The following RAB15 variants were observed in gnomAD, a reference collection of about 807,000 sequenced individuals.
RAB15 encodes ras-related protein Rab-15.
A neutral mutation model predicts 31.8 loss-of-function variants in RAB15; 13 were observed. The observed-to-expected ratio is 0.41, with a 90% confidence interval of 0.27 to 0.65. The LOEUF is 0.65. Ranked by LOEUF, RAB15 falls within the 30% of genes least tolerant of loss-of-function variation. The probability of loss-of-function intolerance (pLI) is 0.32; values close to 1 mark genes in which losing one functional copy is unlikely to be tolerated. For missense variants in RAB15, 220 were observed against 277.3 expected, an observed-to-expected ratio of 0.79 and a Z score of 1.47; for synonymous variants, 100 against 105.6, an observed-to-expected ratio of 0.95 and a Z score of 0.33.
At chr14:64,966,980 G>C (rs1398949508) in intron 1 of RAB15, among the ~76,000 whole-genome samples, 1 of 152,162 alleles carries the variant, frequency 6.6e-6, no homozygotes, top group African/African-American at 2.4e-5. Flanking sequence ...ACAGGCCCCA[G>C]TGTCTGTTAG....
chr14:64,957,175 G>A (rs577888337), intron 1 of RAB15, among the ~76,000 whole-genome samples: 264 of 151,720 alleles, frequency 1.7e-3, no homozygotes, highest in African/African-American at 6.1e-3. Flanking sequence ...GGGCTCCAGC[G>A]ATCCTCCCGC....
At position 64,948,507 on chromosome 14, in the gene RAB15, G is replaced by GA. The variant is rs1886043520; in HGVS notation, c.485dup (p.Thr163HisfsTer12). 1 of 1,605,878 alleles carries GA rather than the reference G, an allele frequency of 6.2e-7. No individual in the cohort carries two copies. Among genetic ancestry groups the GA allele is most frequent in the Non-Finnish European group, 8.5e-7 (1 of 1,176,100 alleles). Reference sequence around the variant, plus strand: ...GCAGCACCAGCTCTGTCAGACGCGTGAATGACTGGAAACCAAAGGGCACAG... The same window carrying GA: ...GCAGCACCAGCTCTGTCAGACGCGTGAAATGACTGGAAACCAAAGGGCACAG... On this transcript the variant is annotated frameshift_variant, in exon 7 of 7. Transcript: ENST00000533601. LOFTEE classifies it high-confidence loss of function. The surrounding 1 kb of genome is among the most constrained non-coding windows in gnomAD (Gnocchi z 7.0).
rs1886187680 is a variant in RAB15 at position 64,950,462 on chromosome 14, C to G, written c.325-48G>C. On this transcript the variant is annotated intron_variant, in intron 4 of 6. Transcript: ENST00000533601. The surrounding 1 kb of genome is among the most constrained non-coding windows in gnomAD (Gnocchi z 5.6). ...ACAGCCAGTGAGTGCTGCCTGCCCC[C>G]CCAATTTTCCCTACAGAGTCTGCAC... 3 of 1,462,466 alleles carry G rather than the reference C, an allele frequency of 2.1e-6. No individual in the cohort carries two copies. Among genetic ancestry groups the G allele is most frequent in the Non-Finnish European group, 2.9e-6 (3 of 1,044,294 alleles). The allele number at this position is 1,462,466 out of a possible 1,614,324, so 90.6% of individuals were successfully genotyped here. A position where few individuals can be genotyped will look rare whatever the true frequency, so the allele number is the denominator to read the frequency against.
chr14:64,971,930 C>G lies in RAB15; in HGVS notation c.124+23G>C, dbSNP rs372761807. 311 of 1,546,742 alleles carry G rather than the reference C, an allele frequency of 2.0e-4. No homozygotes were observed. The highest frequency in any genetic ancestry group is 2.6e-4 in the Non-Finnish European group (294 of 1,145,952). On this transcript the variant is annotated intron_variant, in intron 1 of 6. Coordinates refer to ENST00000533601, the MANE Select transcript of RAB15 (RefSeq NM_001308154.2). This position sits in a 1 kb window ranked among gnomAD's most constrained non-coding sequence, Gnocchi z 4.1. ...GGGGCCGCGGGCGGGGAGGGAGGGGCGCCCCGGGCCACCGCCCCTTACCGA... is the reference window on the plus strand; with the variant it reads ...GGGGCCGCGGGCGGGGAGGGAGGGGGGCCCCGGGCCACCGCCCCTTACCGA...
At chr14:64,965,027 C>A (rs957938182) in intron 1 of RAB15, among the ~76,000 whole-genome samples, 2 of 152,208 alleles carry the variant, frequency 1.3e-5, no homozygotes, top group Non-Finnish European at 2.9e-5. Flanking sequence ...CTCACTGTGG[C>A]CTCCAACTCT....
At chr14:64,963,069 A>G (rs1412107017) in intron 1 of RAB15, among the ~76,000 whole-genome samples, 1 of 148,004 alleles carries the variant, frequency 6.8e-6, no homozygotes, top group Non-Finnish European at 1.5e-5. Flanking sequence ...CATAGTAAGT[A>G]TATGGAGTAG....
Position 64,962,800 on chromosome 14 carries a change from G to A in RAB15, c.124+9153C>T, listed in dbSNP as rs979966504. 6.6e-6 allele frequency among the ~76,000 whole-genome samples: 1 copy of A among 152,172 alleles called. No individual in the cohort carries two copies. Among genetic ancestry groups the A allele is most frequent in the Admixed American group, 6.5e-5 (1 of 15,274 alleles). ...ACCCCTCCCTTCTCTCAGGTCTTGT[G>A]TGGACCCTCACATGTGCACCTGCAT... is the stretch of plus-strand genomic sequence containing the variant. On this transcript the variant is annotated intron_variant, in intron 1 of 6. Transcript: ENST00000533601. This position sits in a 1 kb window ranked among gnomAD's most constrained non-coding sequence, Gnocchi z 4.2.
At chr14:64,961,112 C>T (rs1886829430) in intron 1 of RAB15, among the ~76,000 whole-genome samples, 1 of 152,176 alleles carries the variant, frequency 6.6e-6, no homozygotes, top group Non-Finnish European at 1.5e-5. Flanking sequence ...AGTAATGAGA[C>T]TCCACAACGA....
At chr14:64,966,514 C>T (rs929142340) in intron 1 of RAB15, among the ~76,000 whole-genome samples, 3 of 150,228 alleles carry the variant, frequency 2.0e-5, no homozygotes, top group African/African-American at 4.9e-5. Flanking sequence ...CAGAGAGATA[C>T]TCGGTCTCAA....
In RAB15 at chr14:64,951,506, G is replaced by A. The variant is rs1325669518; in HGVS notation, c.246+97C>T. 10 of 1,128,724 alleles carry A rather than the reference G, an allele frequency of 8.9e-6. No individual in the cohort carries two copies. The East Asian group carries it at 1.6e-4, about 18-fold the overall frequency. The allele number at this position is 1,128,724 out of a possible 1,614,324, so 69.9% of individuals were successfully genotyped here. A position where few individuals can be genotyped will look rare whatever the true frequency, so the allele number is the denominator to read the frequency against. On this transcript the variant is annotated intron_variant, in intron 3 of 6. Coordinates refer to ENST00000533601, the MANE Select transcript of RAB15 (RefSeq NM_001308154.2). The surrounding 1 kb of genome is among the most constrained non-coding windows in gnomAD (Gnocchi z 7.2). ...CTGCGCTCCTCCAAGCAGGCGAACT[G>A]TATTTAGGGGATCCGTGGCACAGAC...
rs1566850706 is a variant in RAB15 at position 64,968,949 on chromosome 14, C to CGGGTTCTTCTCTA, written c.124+2991_124+3003dup. 6.6e-6 allele frequency among the ~76,000 whole-genome samples: 1 copy of CGGGTTCTTCTCTA among 152,182 alleles called. No individual in the cohort carries two copies. Among genetic ancestry groups the CGGGTTCTTCTCTA allele is most frequent in the Non-Finnish European group, 1.5e-5 (1 of 68,036 alleles). ...AGGGAGGCCTCTCACTGCTCCCTGG[C>CGGGTTCTTCTCTA]GGGTTCTTCTCTAGAAGATCGCAGG... is the stretch of plus-strand genomic sequence containing the variant. On this transcript the variant is annotated intron_variant, in intron 1 of 6. Transcript: ENST00000533601. The surrounding 1 kb of genome is among the most constrained non-coding windows in gnomAD (Gnocchi z 4.9).
chr14:64,951,246 C>T lies in RAB15; in HGVS notation c.247-95G>A. 1.0e-6 allele frequency: 1 copy of T among 964,044 alleles called. No individual in the cohort carries two copies. Among genetic ancestry groups the T allele is most frequent in the Non-Finnish European group, 1.6e-6 (1 of 627,420 alleles). 59.7% of individuals were successfully genotyped at this position (964,044 alleles called of 1,614,324 possible). ...GTGGAAACTTAAAGGTTGGGTCCCACTCTCCCATTCTCCCTGCTCAGCATC... is the reference window on the plus strand; with the variant it reads ...GTGGAAACTTAAAGGTTGGGTCCCATTCTCCCATTCTCCCTGCTCAGCATC... On this transcript the variant is annotated intron_variant, in intron 3 of 6. Coordinates refer to ENST00000533601, the MANE Select transcript of RAB15 (RefSeq NM_001308154.2). The surrounding 1 kb of genome is among the most constrained non-coding windows in gnomAD (Gnocchi z 7.2).
At position 64,948,494 on chromosome 14, in the gene RAB15, C is replaced by T. The variant is rs1374705899; in HGVS notation, c.499G>A (p.Glu167Lys). The change falls in exon 7 of 7, where the codon GAG (glutamate) becomes AAG (lysine). Residue 167 changes from glutamate to lysine, a missense_variant. Coordinates refer to ENST00000533601, the MANE Select transcript of RAB15 (RefSeq NM_001308154.2). The surrounding 1 kb of genome is among the most constrained non-coding windows in gnomAD (Gnocchi z 7.0). Reference protein sequence around the residue: ...NIKESFTRLTELVLQAHRKEL... With the variant: ...NIKESFTRLTKLVLQAHRKEL... ...TTCCTATGGGCCTGCAGCACCAGCT[C>T]TGTCAGACGCGTGAATGACTGGAAA... The T allele has an allele frequency of 6.2e-7, 1 of 1,609,074 alleles. No individual in the cohort carries two copies. Among genetic ancestry groups the T allele is most frequent in the Non-Finnish European group, 8.5e-7 (1 of 1,177,694 alleles).
intron 1 of RAB15, among the ~76,000 whole-genome samples, chr14:64,967,873 G>T (rs1008991984): frequency 3.9e-5 from 6 of 152,184 alleles, no homozygotes; most frequent in African/African-American, 1.4e-4. Context: ...ACCACTGGGG[G>T]TGAGGGGCCA....
rs767354797 is a variant in RAB15 at position 64,951,563 on chromosome 14, G to T, written c.246+40C>A. The T allele has an allele frequency of 5.1e-6, 8 of 1,570,070 alleles. No homozygotes were observed. In the South Asian group the frequency reaches 8.9e-5, roughly 17 times the overall value. ...AATACCCAGAGCTGGGAGTGTGGGT[G>T]GCAGCTTCCCACTTTGAAACCCCCA... On this transcript the variant is annotated intron_variant, in intron 3 of 6. Transcript: ENST00000533601. This position sits in a 1 kb window ranked among gnomAD's most constrained non-coding sequence, Gnocchi z 7.2.
At chr14:64,949,940 G>C (rs1026590430) in intron 5 of RAB15, among the ~76,000 whole-genome samples, 2 of 152,012 alleles carry the variant, frequency 1.3e-5, no homozygotes, top group African/African-American at 4.8e-5. Context: ...AGTGTTGGGT[G>C]GGATGGGAGA....
rs1887410203 is a variant in RAB15 at position 64,971,407 on chromosome 14, C to T, written c.124+546G>A. Reference sequence around the variant, plus strand: ...CTCCTCACCCTATCTGTGTCCTCCCCCAGGTGTCCCACCTTGCGGCTTACC... The same window carrying T: ...CTCCTCACCCTATCTGTGTCCTCCCTCAGGTGTCCCACCTTGCGGCTTACC... On this transcript the variant is annotated intron_variant, in intron 1 of 6. Coordinates refer to ENST00000533601, the MANE Select transcript of RAB15 (RefSeq NM_001308154.2). This position sits in a 1 kb window ranked among gnomAD's most constrained non-coding sequence, Gnocchi z 4.1. Among the ~76,000 whole-genome samples, 2 of 152,140 alleles carry T rather than the reference C, an allele frequency of 1.3e-5. No homozygotes were observed. The highest frequency in any genetic ancestry group is 2.4e-5 in the African/African-American group (1 of 41,436).
chr14:64,950,472 C>A lies in RAB15; in HGVS notation c.325-58G>T. 6 of 1,404,844 alleles carry A rather than the reference C, an allele frequency of 4.3e-6. No homozygotes were observed. Among genetic ancestry groups the A allele is most frequent in the Non-Finnish European group, 6.0e-6 (6 of 992,832 alleles). The allele number at this position is 1,404,844 out of a possible 1,614,324, so 87.0% of individuals were successfully genotyped here. On this transcript the variant is annotated intron_variant, in intron 4 of 6. Coordinates refer to ENST00000533601, the MANE Select transcript of RAB15 (RefSeq NM_001308154.2). The surrounding 1 kb of genome is among the most constrained non-coding windows in gnomAD (Gnocchi z 5.6). ...AGTGCTGCCTGCCCCCCCAATTTTC[C>A]CTACAGAGTCTGCACTGCCTCCAGC...
At position 64,972,230 on chromosome 14, in the gene RAB15, C is replaced by A; in HGVS notation, c.-154G>T. ...GCGGCTGCCTCGCCCGCCCGCCTGCCCACTCGCTCGCTGGGTGCCGGGAAG... is the reference window on the plus strand; with the variant it reads ...GCGGCTGCCTCGCCCGCCCGCCTGCACACTCGCTCGCTGGGTGCCGGGAAG... On this transcript the variant is annotated 5_prime_UTR_variant, in exon 1 of 7. Coordinates refer to ENST00000533601, the MANE Select transcript of RAB15 (RefSeq NM_001308154.2). This position sits in a 1 kb window ranked among gnomAD's most constrained non-coding sequence, Gnocchi z 6.3. 2.6e-6 allele frequency: 1 copy of A among 391,010 alleles called. No individual in the cohort carries two copies. The highest frequency in any genetic ancestry group is 1.0e-4 in the South Asian group (1 of 9,716). The allele number at this position is 391,010 out of a possible 1,614,324, so 24.2% of individuals were successfully genotyped here. A position where few individuals can be genotyped will look rare whatever the true frequency, so the allele number is the denominator to read the frequency against.
Sources: allele counts gnomAD v4.1 joint callset (sites outside exome capture counted in the v4.1 genomes callset), GRCh38; gene constraint gnomAD v4.1.1; non-coding constraint Gnocchi (gnomAD v3.1); transcripts MANE v1.5; gene names NCBI Gene and HGNC (gene_info 2026-07-23, HGNC 2026-07-21).